Variants in CYP4F3 observed in about 807,000 individuals in gnomAD.
CYP4F3 encodes cytochrome P450 family 4 subfamily F member 3.
CYP4F3 carries 50 observed loss-of-function variants against 54.8 expected under a neutral mutation model. The observed-to-expected ratio is 0.91, with a 90% confidence interval of 0.73 to 1.16. The LOEUF (loss-of-function observed/expected upper bound fraction) is 1.16, where lower values mean the gene tolerates loss of function less well. CYP4F3 is among the 50% of genes most tolerant of loss of function. The pLI, the probability that CYP4F3 is intolerant of heterozygous loss-of-function variation, is 0.00. For missense variants in CYP4F3, 715 were observed against 676.2 expected (o/e 1.06, Z -0.64); for synonymous variants, 244 against 262.6 (o/e 0.93, Z 0.69).
Position 15,659,723 on chromosome 19 carries a change from A to G in CYP4F3, c.*338A>G. ...TACACTGTGGATGAACCTTGAATGC[A>G]TGATACTGAATGAAAGACATCAGAT... On this transcript the variant is annotated 3_prime_UTR_variant, in exon 13 of 13. Coordinates refer to ENST00000221307, the MANE Select transcript of CYP4F3 (RefSeq NM_000896.3). 3.8e-6 allele frequency: 1 copy of G among 266,660 alleles called. No homozygotes were observed. The highest frequency in any genetic ancestry group is 7.1e-6 in the Non-Finnish European group (1 of 140,462). 16.5% of individuals were successfully genotyped at this position (266,660 alleles called of 1,614,324 possible). A position where few individuals can be genotyped will look rare whatever the true frequency, so the allele number is the denominator to read the frequency against.
chr19:15,657,302 A>G (rs1973053526), intron 9 of CYP4F3, among the ~76,000 whole-genome samples: 1 of 152,096 alleles, frequency 6.6e-6, no homozygotes, highest in South Asian at 2.1e-4. Flanking sequence ...GCACTGTATA[A>G]TCATTATTTT....
chr19:15,643,160 A>G (rs1886538697), intron 2 of CYP4F3, among the ~76,000 whole-genome samples: 1 of 152,108 alleles, frequency 6.6e-6, no homozygotes, highest in African/African-American at 2.4e-5. Context: ...TAGATAAATG[A>G]ATAGATAGAT....
intron 2 of CYP4F3, 71 bp from the exon 3 acceptor site, chr19:15,645,648 C>T (rs1258988977): frequency 1.5e-5 from 22 of 1,508,078 alleles, no homozygotes; most frequent in Non-Finnish European, 1.9e-5. Context: ...GGGCTTCCAC[C>T]TCTTCCCTGC....
intron 2 of CYP4F3, chr19:15,644,074 G>A (rs770938344): frequency 6.5e-7 from 1 of 1,546,912 alleles, no homozygotes; most frequent in Non-Finnish European, 8.7e-7. Context: ...ATACTTGGTG[G>A]TGGGTGCTAT....
At chr19:15,643,731 C>T (rs907037896) in intron 2 of CYP4F3, among the ~76,000 whole-genome samples, 5 of 152,176 alleles carry the variant, frequency 3.3e-5, no homozygotes, top group Non-Finnish European at 7.3e-5. Flanking sequence ...TGAATGAGCT[C>T]TGCCCACACT....
chr19:15,661,395 C>T lies in CYP4F3; in HGVS notation c.*2010C>T, dbSNP rs1973181438. The stretch of plus-strand genomic sequence containing the variant: ...TAAGTAACGTATGAGAATTCTAGGT[C>T]CTCCAAATAATTAGCAGTCCTTCGT... On this transcript the variant is annotated 3_prime_UTR_variant, in exon 13 of 13. Coordinates refer to ENST00000221307, the MANE Select transcript of CYP4F3 (RefSeq NM_000896.3). 1 of 152,210 alleles carries T rather than the reference C, an allele frequency of 6.6e-6. No individual in the cohort carries two copies. The highest frequency in any genetic ancestry group is 2.1e-4 in the South Asian group (1 of 4,826). 9.4% of individuals were successfully genotyped at this position (152,210 alleles called of 1,614,324 possible). A position where few individuals can be genotyped will look rare whatever the true frequency, so the allele number is the denominator to read the frequency against.
At position 15,658,258 on chromosome 19, in the gene CYP4F3, C is replaced by T. The variant is rs201915601; in HGVS notation, c.1116-6C>T. The T allele has an allele frequency of 6.2e-7, 1 of 1,613,828 alleles. No individual in the cohort carries two copies. Among genetic ancestry groups the T allele is most frequent in the Non-Finnish European group, 8.5e-7 (1 of 1,179,886 alleles). On this transcript the variant is annotated splice_region_variant and splice_polypyrimidine_tract_variant and intron_variant, in intron 9 of 12. Transcript: ENST00000221307. ...GATAAGGATTGGGGCTGGGGTGTTT[C>T]CTTAGGGACGACCTGGCCCAGCTGC... is the stretch of plus-strand genomic sequence containing the variant.
In CYP4F3 at chr19:15,652,549, G is replaced by T; in HGVS notation, c.919-20G>T. ...ACTTTTTATGGGGGTGGGGGTGGGG[G>T]GTTATTGCCTTCTCTCCAGGATGAA... is the stretch of plus-strand genomic sequence containing the variant. On this transcript the variant is annotated intron_variant, in intron 7 of 12. Coordinates refer to ENST00000221307, the MANE Select transcript of CYP4F3 (RefSeq NM_000896.3). 6.2e-7 allele frequency: 1 copy of T among 1,612,834 alleles called. No homozygotes were observed. The highest frequency in any genetic ancestry group is 8.5e-7 in the Non-Finnish European group (1 of 1,179,726).
In CYP4F3 at chr19:15,652,820, C is replaced by T. The variant is rs1209321288; in HGVS notation, c.986-3C>T. The T allele has an allele frequency of 1.9e-5, 31 of 1,609,968 alleles. No homozygotes were observed. The highest frequency in any genetic ancestry group is 2.5e-5 in the Non-Finnish European group (30 of 1,178,028). Reference sequence around the variant, plus strand: ...GACCCAAGCCTGCCTTGCTGCCCCCCAGGCCATGACACCACAGCCAGTGGT... The same window carrying T: ...GACCCAAGCCTGCCTTGCTGCCCCCTAGGCCATGACACCACAGCCAGTGGT... On this transcript the variant is annotated splice_region_variant and splice_polypyrimidine_tract_variant and intron_variant, in intron 8 of 12. Coordinates refer to ENST00000221307, the MANE Select transcript of CYP4F3 (RefSeq NM_000896.3).
intron 9 of CYP4F3, among the ~76,000 whole-genome samples, chr19:15,653,744 GA>G (rs146955878): frequency 3.2e-5 from 1 of 31,496 alleles, no homozygotes; most frequent in African/African-American, 2.1e-4. Flanking sequence ...AGGAGAGAGA[GA>G]GAGAGAGAGA....
rs1327564241 is a variant in CYP4F3 at position 15,652,803 on chromosome 19, C to G, written c.986-20C>G. 6.2e-7 allele frequency: 1 copy of G among 1,606,804 alleles called. No homozygotes were observed. On this transcript the variant is annotated intron_variant, in intron 8 of 12. Coordinates refer to ENST00000221307, the MANE Select transcript of CYP4F3 (RefSeq NM_000896.3). ...TGCTGAAGCAGCCCAGAGACCCAAG[C>G]CTGCCTTGCTGCCCCCCAGGCCATG... is the stretch of plus-strand genomic sequence containing the variant.
intron 2 of CYP4F3, among the ~76,000 whole-genome samples, chr19:15,642,026 G>A (rs1011097247): frequency 6.6e-6 from 1 of 152,120 alleles, no homozygotes; most frequent in African/African-American, 2.4e-5. Flanking sequence ...CCAGAGGAGA[G>A]GTGTGGGCTG....
rs483352698 is a variant in CYP4F3, at chr19:15,650,089, G to A, written c.824G>A (p.Arg275His). The change falls in exon 7 of 13, where the codon CGC becomes CAC. Residue 275 changes from arginine (R) to histidine (H), a missense_variant. Physicochemically the swap from Arg to His is conservative, Grantham distance 29. Transcript: ENST00000221307. ...ACAGATGCCGTCATCCAGGAGCGGC[G>A]CCGCACCCTCCCTAGCCAGGGTGTT... ...DFTDAVIQER[R>H]RTLPSQGVDD... The A allele has an allele frequency of 9.9e-6, 16 of 1,614,168 alleles. No individual in the cohort carries two copies. Among genetic ancestry groups the A allele is most frequent in the South Asian group, 5.5e-5 (5 of 91,086 alleles).
intron 9 of CYP4F3, among the ~76,000 whole-genome samples, chr19:15,653,597 G>A (rs964426993): frequency 6.6e-5 from 10 of 152,086 alleles, no homozygotes; most frequent in East Asian, 1.9e-4. Context: ...TTACAGTAAG[G>A]GAAGCAGGAC....
At chr19:15,643,659 C>T (rs1174183132) in intron 2 of CYP4F3, among the ~76,000 whole-genome samples, 2 of 152,086 alleles carry the variant, frequency 1.3e-5, no homozygotes, top group African/African-American at 4.8e-5. Context: ...ATGTGCCAGC[C>T]CCACAACAGA....
chr19:15,656,064 C>T (rs768184242), intron 9 of CYP4F3, among the ~76,000 whole-genome samples: 3 of 152,064 alleles, frequency 2.0e-5, no homozygotes, highest in Non-Finnish European at 4.4e-5. Context: ...AACATTTCAC[C>T]CTTCTCTGTC....
chr19:15,642,617 C>T (rs1568390869), intron 2 of CYP4F3, among the ~76,000 whole-genome samples: 1 of 152,250 alleles, frequency 6.6e-6, no homozygotes, highest in East Asian at 1.9e-4. Context: ...GGAAATTTTT[C>T]CTCTCAAGCT....
In CYP4F3 at chr19:15,645,702, T is replaced by C; in HGVS notation, c.199-17T>C. On this transcript the variant is annotated splice_polypyrimidine_tract_variant and intron_variant, in intron 2 of 12. Coordinates refer to ENST00000221307, the MANE Select transcript of CYP4F3 (RefSeq NM_000896.3). ...GCCTAGGAGAGCATGAATTGGGTCCTGTGTCTTTCTCTCCAGATTCACAGC... is the reference window on the plus strand; with the variant it reads ...GCCTAGGAGAGCATGAATTGGGTCCCGTGTCTTTCTCTCCAGATTCACAGC... The C allele has an allele frequency of 6.3e-7, 1 of 1,594,726 alleles. No individual in the cohort carries two copies. The highest frequency in any genetic ancestry group is 8.6e-7 in the Non-Finnish European group (1 of 1,166,734).
intron 9 of CYP4F3, among the ~76,000 whole-genome samples, chr19:15,655,689 C>A (rs1225697025): frequency 6.6e-6 from 1 of 152,128 alleles, no homozygotes; most frequent in African/African-American, 2.4e-5. Flanking sequence ...AAGTGAAAGT[C>A]CATAAAATAG....
Sources: allele counts gnomAD v4.1 joint callset (sites outside exome capture counted in the v4.1 genomes callset), GRCh38; gene constraint gnomAD v4.1.1; transcripts MANE v1.5; gene names NCBI Gene and HGNC (gene_info 2026-07-23, HGNC 2026-07-21).